The following LINGO2 variants were observed in gnomAD, a reference collection of about 807,000 sequenced individuals.
The protein encoded by LINGO2 is leucine-rich repeat and immunoglobulin-like domain-containing nogo receptor-interacting protein 2.
Under a neutral mutation model 30.6 loss-of-function variants are expected in LINGO2, and 14 were observed. That is an observed-to-expected ratio of 0.46 (90% CI 0.30 to 0.72). LINGO2 has a LOEUF of 0.72. Ranked by LOEUF, LINGO2 falls within the 30% of genes least tolerant of loss-of-function variation. The pLI is 0.07. For missense variants in LINGO2, 729 were observed against 751.7 expected (o/e 0.97, Z 0.35); for synonymous variants, 317 against 288.5 (o/e 1.10, Z -1.00).
At chr9:28,327,159 C>T (rs1322765517) in intron 3 of LINGO2, among the ~76,000 whole-genome samples, 3 of 152,058 alleles carry the variant, frequency 2.0e-5, no homozygotes, top group Non-Finnish European at 2.9e-5. Flanking sequence ...GAGAAACAGG[C>T]CCTCCCTAGA....
the LINGO2 span, among the ~76,000 whole-genome samples, chr9:28,948,870 C>T: frequency 0.013 from 1,942 of 151,916 alleles, 28 homozygotes; most frequent in African/African-American, 0.043. Context: ...TCTATTTTTA[C>T]GAATACAGTA....
In LINGO2 at chr9:28,656,643, T is replaced by C. The variant is rs56278767; in HGVS notation, c.-365+13557A>G. On this transcript the variant is annotated intron_variant, in intron 1 of 5. Coordinates refer to ENST00000379992, the Ensembl canonical transcript of LINGO2. Reference sequence around the variant, plus strand: ...GAGATTAAAGGACATTAAAGAGACATGTGATCCTATGCTTTCTATTTACTA... The same window carrying C: ...GAGATTAAAGGACATTAAAGAGACACGTGATCCTATGCTTTCTATTTACTA... Among the ~76,000 whole-genome samples, 1,369 of 152,190 alleles carry C rather than the reference T, an allele frequency of 9.0e-3. 20 individuals are homozygous for C. Among genetic ancestry groups the C allele is most frequent in the African/African-American group, 0.029 (1,201 of 41,506 alleles).
the LINGO2 span, among the ~76,000 whole-genome samples, chr9:29,210,907 T>C: frequency 1.3e-5 from 2 of 152,172 alleles, no homozygotes; most frequent in Non-Finnish European, 2.9e-5. Flanking sequence ...GAGTAACGCA[T>C]GCTACTGGGT....
At chr9:29,196,040 G>C in the LINGO2 span, among the ~76,000 whole-genome samples, 2 of 152,058 alleles carry the variant, frequency 1.3e-5, no homozygotes, top group African/African-American at 2.4e-5. Flanking sequence ...AGCTAAGAAA[G>C]ACTGAAGGAA....
the LINGO2 span, among the ~76,000 whole-genome samples, chr9:28,951,508 C>T: frequency 1.3e-5 from 2 of 152,160 alleles, no homozygotes; most frequent in South Asian, 2.1e-4. Context: ...TTCTGCCTAC[C>T]GATTTTTCAA....
intron 3 of LINGO2, among the ~76,000 whole-genome samples, chr9:28,300,715 A>C (rs1038565250): frequency 6.6e-6 from 1 of 151,624 alleles, no homozygotes; most frequent in Non-Finnish European, 1.5e-5. Context: ...TCTTCATTTC[A>C]ACAAATATTT....
chr9:28,300,841 A>T (rs73431343), intron 3 of LINGO2, among the ~76,000 whole-genome samples: 15 of 148,078 alleles, frequency 1.0e-4, no homozygotes, highest in African/African-American at 2.6e-4. Flanking sequence ...TAAACCAACA[A>T]ATTATGGAAG....
intron 2 of LINGO2, among the ~76,000 whole-genome samples, chr9:28,460,625 G>A (rs1825040626): frequency 6.6e-6 from 1 of 152,106 alleles, no homozygotes; most frequent in South Asian, 2.1e-4. Context: ...TCTTCCTGGT[G>A]TGTAATCAGA....
intron 1 of LINGO2, among the ~76,000 whole-genome samples, chr9:28,602,957 T>A (rs1331201841): frequency 6.6e-6 from 1 of 152,028 alleles, no homozygotes; most frequent in Non-Finnish European, 1.5e-5. Context: ...GACTGGCACA[T>A]AGAGTATAGA....
At chr9:28,561,781 A>ATATATATATAT (rs1491164807) in intron 1 of LINGO2, among the ~76,000 whole-genome samples, 2 of 102,312 alleles carry the variant, frequency 2.0e-5, no homozygotes, top group Non-Finnish European at 3.6e-5. Flanking sequence ...ATATATATAT[A>ATATATATATAT]AAAAATATGC....
chr9:27,998,229 G>C (rs1488666087), intron 5 of LINGO2, among the ~76,000 whole-genome samples: 1 of 152,110 alleles, frequency 6.6e-6, no homozygotes, highest in Non-Finnish European at 1.5e-5. Context: ...TGACTCTGAG[G>C]CTAGGTCATA....
intron 1 of LINGO2, among the ~76,000 whole-genome samples, chr9:28,485,043 C>A (rs888477335): frequency 6.6e-6 from 1 of 152,070 alleles, no homozygotes; most frequent in Non-Finnish European, 1.5e-5. Flanking sequence ...TCTCCATTAT[C>A]AAGTGAAAGC....
At chr9:28,511,524 A>G (rs1408473174) in intron 1 of LINGO2, among the ~76,000 whole-genome samples, 1 of 152,156 alleles carries the variant, frequency 6.6e-6, no homozygotes, top group Admixed American at 6.5e-5. Context: ...TGGCTAGGGA[A>G]AAAGGCTGAG....
At chr9:28,959,612 T>TCTCACACA in the LINGO2 span, among the ~76,000 whole-genome samples, 3,024 of 132,056 alleles carry the variant, frequency 0.023, 36 homozygotes, top group Non-Finnish European at 0.028. Flanking sequence ...TCTCTCTCCC[T>TCTCACACA]CACACACACA....
intron 1 of LINGO2, among the ~76,000 whole-genome samples, chr9:28,665,622 A>G (rs1350121488): frequency 2.0e-5 from 3 of 152,200 alleles, no homozygotes; most frequent in African/African-American, 7.2e-5. Flanking sequence ...TCCAGCATTT[A>G]TAATACAAAT....
chr9:28,969,532 C>T, the LINGO2 span, among the ~76,000 whole-genome samples: 98,686 of 152,020 alleles, frequency 0.65, 32,716 homozygotes, highest in Non-Finnish European at 0.72. Context: ...ATTTAAAAGA[C>T]GACTTTGGCT....
the LINGO2 span, among the ~76,000 whole-genome samples, chr9:28,809,636 C>T: frequency 6.6e-6 from 1 of 151,460 alleles, no homozygotes; most frequent in Non-Finnish European, 1.5e-5. Flanking sequence ...ATTCCAGCTA[C>T]TCGGGAAGCT....
At chr9:28,866,615 T>C in the LINGO2 span, among the ~76,000 whole-genome samples, 1 of 152,198 alleles carries the variant, frequency 6.6e-6, no homozygotes, top group African/African-American at 2.4e-5. Flanking sequence ...ACTTAAGTGC[T>C]ACACAATATG....
the LINGO2 span, among the ~76,000 whole-genome samples, chr9:28,959,612 T>TCTCACACACACA: frequency 2.4e-3 from 321 of 132,192 alleles, no homozygotes; most frequent in African/African-American, 8.7e-3. Flanking sequence ...TCTCTCTCCC[T>TCTCACACACACA]CACACACACA....
Sources: allele counts gnomAD v4.1 joint callset (sites outside exome capture counted in the v4.1 genomes callset), GRCh38; gene constraint gnomAD v4.1.1; transcripts MANE v1.5; gene names NCBI Gene and HGNC (gene_info 2026-07-23, HGNC 2026-07-21).